Variants in SLC25A43 observed in about 807,000 individuals in gnomAD.
The protein encoded by SLC25A43 is solute carrier family 25, member 43.
Under a neutral mutation model 22.8 loss-of-function variants are expected in SLC25A43, and 10 were observed. That is an observed-to-expected ratio of 0.44 (90% confidence interval 0.27 to 0.74). SLC25A43 has a LOEUF of 0.74. Among genes scored for constraint, SLC25A43 ranks in the 30% least tolerant of loss-of-function variants. The pLI is 0.17. For synonymous variants in SLC25A43, 106 were observed against 121.6 expected, an observed-to-expected ratio of 0.87 and a Z score of 0.84; for missense variants, 233 against 279.1, an observed-to-expected ratio of 0.83 and a Z score of 1.18.
At chrX:119,452,211 C>T in intron 4 of SLC25A43, 68 bp downstream of exon 4, 2 of 1,119,867 alleles carry the variant, frequency 1.8e-6, no homozygotes, top group Non-Finnish European at 2.4e-6. Context: ...CTTTGTCACC[C>T]CCAACCCCTA....
At chrX:119,443,404 A>T (rs1393390568) in intron 3 of SLC25A43, among the ~76,000 whole-genome samples, 2 of 105,533 alleles carry the variant, frequency 1.9e-5, no homozygotes, top group Non-Finnish European at 3.9e-5. Context: ...AACAGGTGTG[A>T]GCCACCGCGC....
chrX:119,428,361 G>A lies in SLC25A43; in HGVS notation c.690+17999G>A, dbSNP rs141748437. Among the ~76,000 whole-genome samples, 217 of 110,708 alleles carry A rather than the reference G, an allele frequency of 2.0e-3. 1 individual carries two copies. Among genetic ancestry groups the A allele is most frequent in the African/African-American group, 6.9e-3 (209 of 30,426 alleles). ...TTCTAGCTACTCAGGAGGCTGAGGC[G>A]GAGGAATCACTTGAACCTGGGAGGC... On this transcript the variant is annotated intron_variant, in intron 3 of 4. Transcript: ENST00000217909.
At chrX:119,443,446 CTCTT>C (rs1447984461) in intron 3 of SLC25A43, among the ~76,000 whole-genome samples, 1 of 52,681 alleles carries the variant, frequency 1.9e-5, no homozygotes, top group Non-Finnish European at 3.4e-5. Flanking sequence ...CTCTCTCTCT[CTCTT>C]TTTTTTTTTT....
rs1283759905 is a variant in SLC25A43 at position 119,426,137 on chromosome X, G to A, written c.690+15775G>A. The A allele has an allele frequency of 1.1e-5, 7 of 653,018 alleles. No individual in the cohort carries two copies. In the Admixed American group the frequency reaches 5.3e-4, roughly 50 times the overall value. The allele number at this position is 653,018 out of a possible 1,213,427, so 53.8% of individuals were successfully genotyped here. On this transcript the variant is annotated intron_variant, in intron 3 of 4. Coordinates refer to ENST00000217909, the MANE Select transcript of SLC25A43 (RefSeq NM_145305.3). Reference sequence around the variant, plus strand: ...AGAGGGAGGACCCGCAGCTGGCTGGGAGCATTCACAGGAAGTACCAATTTT... The same window carrying A: ...AGAGGGAGGACCCGCAGCTGGCTGGAAGCATTCACAGGAAGTACCAATTTT...
intron 3 of SLC25A43, among the ~76,000 whole-genome samples, chrX:119,446,052 CTGAG>C (rs1332182952): frequency 1.0e-5 from 1 of 100,300 alleles, no homozygotes; most frequent in Non-Finnish European, 2.0e-5. Context: ...ACTCGGGAGG[CTGAG>C]GCAGGAGAAT....
intron 3 of SLC25A43, among the ~76,000 whole-genome samples, chrX:119,415,419 G>A (rs1004237568): frequency 2.5e-4 from 28 of 110,640 alleles, no homozygotes; most frequent in African/African-American, 8.8e-4. Flanking sequence ...GTGTGGCAGG[G>A]TGCAGTGGCT....
At position 119,405,801 on chromosome X, in the gene SLC25A43, C is replaced by T. The variant is rs745585791; in HGVS notation, c.276-659C>T. Among the ~76,000 whole-genome samples, 5 of 109,360 alleles carry T rather than the reference C, an allele frequency of 4.6e-5. No individual in the cohort carries two copies. In the East Asian group the frequency reaches 1.5e-3, roughly 32 times the overall value. 95.0% of individuals were successfully genotyped at this position (109,360 alleles called of 115,157 possible). A position where few individuals can be genotyped will look rare whatever the true frequency, so the allele number is the denominator to read the frequency against. ...GAACTGGGCACTTTGGGAGGCCGAG[C>T]GGGGTGGATCACCTGAGGTCAGGAG... On this transcript the variant is annotated intron_variant, in intron 1 of 4. Coordinates refer to ENST00000217909, the MANE Select transcript of SLC25A43 (RefSeq NM_145305.3).
chrX:119,422,506 G>C (rs764561485), intron 3 of SLC25A43, among the ~76,000 whole-genome samples: 19 of 112,454 alleles, frequency 1.7e-4, no homozygotes, highest in African/African-American at 5.8e-4. Flanking sequence ...CAAACTCTTT[G>C]CCTGTGGGAA....
intron 1 of SLC25A43, 93 bp downstream of exon 1, chrX:119,399,771 G>A: frequency 1.1e-6 from 1 of 920,174 alleles, no homozygotes; most frequent in South Asian, 4.0e-5. Context: ...CTGGACTCGG[G>A]GCCCTGGAGT....
chrX:119,405,976 G>T (rs1031020331), intron 1 of SLC25A43, among the ~76,000 whole-genome samples: 4 of 111,491 alleles, frequency 3.6e-5, no homozygotes, highest in African/African-American at 1.3e-4. Context: ...AAGTTGAAGT[G>T]AGCCGAGATC....
intron 2 of SLC25A43, among the ~76,000 whole-genome samples, chrX:119,407,419 T>A (rs2052308550): frequency 8.9e-6 from 1 of 111,823 alleles, no homozygotes; most frequent in African/African-American, 3.3e-5. Context: ...GTGTATTCTG[T>A]GACCCTTATT....
intron 3 of SLC25A43, among the ~76,000 whole-genome samples, chrX:119,443,116 CTTTTTT>C (rs58081965): frequency 2.7e-5 from 2 of 73,455 alleles, no homozygotes; most frequent in African/African-American, 1.1e-4. Flanking sequence ...CATTCTCTCT[CTTTTTT>C]TTTTTTTTTT....
chrX:119,411,252 G>A (rs1288585713), intron 3 of SLC25A43, among the ~76,000 whole-genome samples: 1 of 111,908 alleles, frequency 8.9e-6, no homozygotes, highest in African/African-American at 3.2e-5. Context: ...TGTAATCCCA[G>A]CACTTTGGGA....
chrX:119,444,906 G>A lies in SLC25A43; in HGVS notation c.691-7103G>A, dbSNP rs182670421. On this transcript the variant is annotated intron_variant, in intron 3 of 4. Coordinates refer to ENST00000217909, the MANE Select transcript of SLC25A43 (RefSeq NM_145305.3). The stretch of plus-strand genomic sequence containing the variant: ...AAAAATTAGCCAGGCGATGTGGCAC[G>A]TGCCTGTAATCCCAGCTACTCAGGA... 9.9e-4 allele frequency among the ~76,000 whole-genome samples: 106 copies of A among 107,378 alleles called. No homozygotes were observed. The South Asian group carries it at 0.024, about 24-fold the overall frequency. 93.2% of individuals were successfully genotyped at this position (107,378 alleles called of 115,157 possible). A position where few individuals can be genotyped will look rare whatever the true frequency, so the allele number is the denominator to read the frequency against.
At chrX:119,450,362 A>G (rs1256910100) in intron 3 of SLC25A43, among the ~76,000 whole-genome samples, 2 of 112,244 alleles carry the variant, frequency 1.8e-5, no homozygotes, top group African/African-American at 6.5e-5. Context: ...TCAAATGTTT[A>G]TTAAATATCT....
chrX:119,433,457 G>T (rs1473040148), intron 3 of SLC25A43, among the ~76,000 whole-genome samples: 1 of 111,876 alleles, frequency 8.9e-6, no homozygotes, highest in Non-Finnish European at 1.9e-5. Flanking sequence ...TGGGTACTGT[G>T]GCCTAACCAA....
chrX:119,450,007 T>C (rs2052694952), intron 3 of SLC25A43, among the ~76,000 whole-genome samples: 1 of 111,540 alleles, frequency 9.0e-6, no homozygotes, highest in Admixed American at 9.5e-5. Flanking sequence ...AATCTGACAC[T>C]GTCAAGAAGA....
chrX:119,448,196 G>A (rs1246550224), intron 3 of SLC25A43, among the ~76,000 whole-genome samples: 1 of 110,641 alleles, frequency 9.0e-6, no homozygotes, highest in Non-Finnish European at 1.9e-5. Flanking sequence ...TATCGAGTCT[G>A]ATCACTGCTC....
intron 3 of SLC25A43, chrX:119,423,836 T>C (rs1308108813): frequency 9.1e-6 from 1 of 110,247 alleles, no homozygotes; most frequent in Non-Finnish European, 1.9e-5. Context: ...ACCCCTGCGA[T>C]TTCCCCAAAT....
Sources: allele counts gnomAD v4.1 joint callset (sites outside exome capture counted in the v4.1 genomes callset), GRCh38; gene constraint gnomAD v4.1.1; transcripts MANE v1.5; gene names NCBI Gene and HGNC (gene_info 2026-07-23, HGNC 2026-07-21).